Variants in ESCO2 observed in about 807,000 individuals in gnomAD.
ESCO2 encodes N-acetyltransferase ESCO2.
In ESCO2, 51 loss-of-function variants were observed where a neutral mutation model predicts 61.7. That is an observed-to-expected ratio of 0.83 (90% CI 0.66 to 1.04). ESCO2 has a LOEUF of 1.04. ESCO2 is among the 50% of genes least tolerant of loss of function. The pLI is 0.00. For synonymous variants in ESCO2, 230 were observed against 238.2 expected, an observed-to-expected ratio of 0.97 and a Z score of 0.32; for missense variants, 692 against 686.2, an observed-to-expected ratio of 1.01 and a Z score of -0.09.
chr8:27,807,285 T>A (rs1376064321), downstream of ESCO2, among the ~76,000 whole-genome samples: 20 of 152,198 alleles, frequency 1.3e-4, no homozygotes, highest in African/African-American at 4.8e-4. Flanking sequence ...TTCCTCTGTC[T>A]ATTCCTAGGT....
chr8:27,792,762 CT>C lies in ESCO2; in HGVS notation c.1449del (p.Asp484MetfsTer5), dbSNP rs1805206259. ...PNKIKTFLFISDEKRVVGCLI... is the reference protein window; with the variant it reads ...PNKIKTFLFIXDEKRVVGCLI... ...AAAATAAAAACTTTTCTTTTTATATCTGATGAAAAGAGAGTAGTTGGGTGTT... is the reference window on the plus strand; with the variant it reads ...AAAATAAAAACTTTTCTTTTTATATCGATGAAAAGAGAGTAGTTGGGTGTT... On this transcript the variant is annotated frameshift_variant, in exon 9 of 11. Transcript: ENST00000305188. LOFTEE classifies it high-confidence loss of function. 1 of 1,610,556 alleles carries C rather than the reference CT, an allele frequency of 6.2e-7. No individual in the cohort carries two copies. The highest frequency in any genetic ancestry group is 8.5e-7 in the Non-Finnish European group (1 of 1,178,914).
rs1304529805 is a variant in ESCO2 at position 27,803,714 on chromosome 8, A to G, written c.*276A>G. The stretch of plus-strand genomic sequence containing the variant: ...TGTTTAATTATGAAACTTTGTAGCT[A>G]TAACTGGAAAATTACCTGACTCTTT... On this transcript the variant is annotated 3_prime_UTR_variant, in exon 11 of 11. Coordinates refer to ENST00000305188, the MANE Select transcript of ESCO2 (RefSeq NM_001017420.3). 9.2e-6 allele frequency: 11 copies of G among 1,195,554 alleles called. No homozygotes were observed. The highest frequency in any genetic ancestry group is 9.6e-5 in the East Asian group (2 of 20,928). 74.1% of individuals were successfully genotyped at this position (1,195,554 alleles called of 1,614,324 possible).
chr8:27,781,206 C>T (rs2128952600), intron 4 of ESCO2, among the ~76,000 whole-genome samples: 1 of 152,086 alleles, frequency 6.6e-6, no homozygotes, highest in African/African-American at 2.4e-5. Flanking sequence ...TACTCTAGGT[C>T]CTGATATGCC....
downstream of ESCO2, among the ~76,000 whole-genome samples, chr8:27,815,726 C>T (rs978916095): frequency 7.2e-5 from 11 of 152,160 alleles, no homozygotes; most frequent in African/African-American, 2.7e-4. Context: ...ATTTGAGACT[C>T]GAACCACAAG....
chr8:27,808,518 A>T (rs924409350), downstream of ESCO2, among the ~76,000 whole-genome samples: 3 of 103,568 alleles, frequency 2.9e-5, no homozygotes, highest in Non-Finnish European at 1.9e-5. Flanking sequence ...TACAAAAAAT[A>T]AAAAAAAAAA....
At chr8:27,786,941 T>C (rs188325854) in intron 5 of ESCO2, among the ~76,000 whole-genome samples, 192 of 152,020 alleles carry the variant, frequency 1.3e-3, no homozygotes, top group Non-Finnish European at 2.1e-3. Flanking sequence ...CAAGGTCCTT[T>C]CATTACAAGG....
downstream of ESCO2, among the ~76,000 whole-genome samples, chr8:27,806,583 G>A (rs1805567722): frequency 6.6e-6 from 1 of 151,584 alleles, no homozygotes; most frequent in African/African-American, 2.4e-5. Flanking sequence ...AATTTGGGAG[G>A]ACTGATTTTT....
At chr8:27,772,530 T>C (rs1289034493), upstream of ESCO2, 20 of 1,549,728 alleles carry the variant, frequency 1.3e-5, no homozygotes, top group Admixed American at 1.6e-4. Flanking sequence ...GCTGGTGAAG[T>C]AGAACACCAT....
downstream of ESCO2, among the ~76,000 whole-genome samples, chr8:27,806,119 G>A (rs193147748): frequency 5.8e-4 from 89 of 152,278 alleles, no homozygotes; most frequent in South Asian, 7.1e-3. Context: ...CTAGAAGTAA[G>A]GAATTCATAA....
intron 3 of ESCO2, chr8:27,779,703 G>C (rs149229632): frequency 0.012 from 2,015 of 172,300 alleles, 45 homozygotes; most frequent in African/African-American, 0.045. Context: ...AGACAGTCTT[G>C]CTCTGTTGCC....
chr8:27,819,008 C>T, the ESCO2 span, among the ~76,000 whole-genome samples: 2 of 152,124 alleles, frequency 1.3e-5, no homozygotes, highest in African/African-American at 2.4e-5. Context: ...CTTTATCACA[C>T]AACAAATTCC....
rs1805191262 is a variant in ESCO2, at chr8:27,792,153, GT to G, written c.1353+102del. The G allele has an allele frequency of 3.9e-5, 42 of 1,069,066 alleles. 1 individual carries two copies. The South Asian group carries it at 5.5e-4, about 14-fold the overall frequency. The allele number at this position is 1,069,066 out of a possible 1,614,324, so 66.2% of individuals were successfully genotyped here. ...CTTTGCTGACAGATAATTCACTTGG[GT>G]ACCTGCTTAATGATTACTTTCATAG... On this transcript the variant is annotated intron_variant, in intron 8 of 10. Coordinates refer to ENST00000305188, the MANE Select transcript of ESCO2 (RefSeq NM_001017420.3).
chr8:27,800,354 A>T lies in ESCO2; in HGVS notation c.1673+638A>T, dbSNP rs76707045. ...GACATTTCTCCAAAGATAAATTGCA[A>T]ATGGTTAATTCAACATAAAAAGATG... On this transcript the variant is annotated intron_variant, in intron 10 of 10. Coordinates refer to ENST00000305188, the MANE Select transcript of ESCO2 (RefSeq NM_001017420.3). Among the ~76,000 whole-genome samples the T allele has an allele frequency of 8.4e-3, 1,285 of 152,366 alleles. 20 individuals are homozygous for T. The highest frequency in any genetic ancestry group is 0.03 in the African/African-American group (1,232 of 41,590).
chr8:27,772,572 G>A, upstream of ESCO2: 2 of 1,546,012 alleles, frequency 1.3e-6, no homozygotes, highest in Non-Finnish European at 1.7e-6. Context: ...ACTCCACCGC[G>A]GAGCAGCAGC....
At chr8:27,789,045 C>G (rs1805114434) in intron 7 of ESCO2, 67 bp downstream of exon 7, 2 of 1,588,006 alleles carry the variant, frequency 1.3e-6, no homozygotes, top group African/African-American at 2.7e-5. Context: ...TCTTTTCCAC[C>G]ACCTCTACCA....
intron 5 of ESCO2, among the ~76,000 whole-genome samples, chr8:27,785,655 G>A (rs1330817256): frequency 1.3e-5 from 2 of 150,766 alleles, no homozygotes; most frequent in Admixed American, 6.6e-5. Flanking sequence ...AGCCAAGATG[G>A]TGCCACTGCA....
intron 5 of ESCO2, among the ~76,000 whole-genome samples, chr8:27,786,291 C>T (rs1805040288): frequency 3.9e-5 from 6 of 152,256 alleles, no homozygotes; most frequent in Admixed American, 3.9e-4. Flanking sequence ...GGGCCCTGAG[C>T]TTTTACAGCC....
In ESCO2 at chr8:27,799,703, G is replaced by A. The variant is rs1469125359; in HGVS notation, c.1660G>A (p.Val554Ile). 11 of 1,613,724 alleles carry A rather than the reference G, an allele frequency of 6.8e-6. No homozygotes were observed. Among genetic ancestry groups the A allele is most frequent in the Non-Finnish European group, 9.3e-6 (11 of 1,179,982 alleles). Residue 554 changes from valine to isoleucine, a missense_variant, in exon 10 of 11, where the codon GTT (valine) becomes ATT (isoleucine). By Grantham distance (29) the Val-to-Ile change is conservative (BLOSUM62 3). Transcript: ENST00000305188. ...KRRKRIARRL[V>I]DTLRNCFMFG... ...AAGAAAGCGCATTGCAAGACGACTG[G>A]TTGATACCCTCAGGTAAGAAATAAA... is the stretch of plus-strand genomic sequence containing the variant.
chr8:27,810,088 C>G, downstream of ESCO2: 1 of 509,540 alleles, frequency 2.0e-6, no homozygotes, highest in Non-Finnish European at 3.4e-6. Flanking sequence ...ACTTATGTAG[C>G]TAGTTTCTAA....
Sources: gnomAD v4.1 joint callset for allele counts (sites outside exome capture counted in the v4.1 genomes callset) on GRCh38, gnomAD v4.1.1 for gene constraint, MANE v1.5 for transcripts, NCBI Gene and HGNC (gene_info 2026-07-23, HGNC 2026-07-21) for gene names.